The following PCYT1B variants were observed in gnomAD, a reference collection of about 807,000 sequenced individuals.
PCYT1B encodes the protein choline-phosphate cytidylyltransferase B.
In PCYT1B, 10 loss-of-function variants were observed where a neutral mutation model predicts 26.4. That is an observed-to-expected ratio of 0.38 (90% confidence interval 0.23 to 0.64). The LOEUF is 0.64. Ranked by LOEUF, PCYT1B falls within the 30% of genes least tolerant of loss-of-function variation. PCYT1B has a pLI of 0.56. For synonymous variants in PCYT1B, 131 were observed against 108.4 expected, an observed-to-expected ratio of 1.21 and a Z score of -1.29; for missense variants, 161 against 292.7, an observed-to-expected ratio of 0.55 and a Z score of 3.28.
Position 24,670,092 on chromosome X carries a change from GAAAGAAAGAAAGAAAGAAAGA to G in PCYT1B, c.63+2457_63+2477del, listed in dbSNP as rs1404777781. Among the ~76,000 whole-genome samples, 87 of 90,249 alleles carry G rather than the reference GAAAGAAAGAAAGAAAGAAAGA, an allele frequency of 9.6e-4. 1 individual carries two copies. Among genetic ancestry groups the G allele is most frequent in the South Asian group, 2.6e-3 (4 of 1,568 alleles). The allele number at this position is 90,249 out of a possible 115,157, so 78.4% of individuals were successfully genotyped here. On this transcript the variant is annotated intron_variant, in intron 1 of 7. Transcript: ENST00000379145. ...AGAAAGAAAGAAAGAAAGAAAGAAAGAAAGAAAGAAAGAAAGAAAGAAAGGAAGGAAGGAAGGAAGGAAGGA... is the reference window on the plus strand; with the variant it reads ...AGAAAGAAAGAAAGAAAGAAAGAAAGAAGGAAGGAAGGAAGGAAGGAAGGA...
intron 1 of PCYT1B, among the ~76,000 whole-genome samples, chrX:24,657,313 A>G (rs1926942813): frequency 8.9e-6 from 1 of 111,907 alleles, no homozygotes; most frequent in South Asian, 3.7e-4. Context: ...GCTGAAACAG[A>G]TAATACATCA....
At chrX:24,596,118 C>T (rs979343847) in intron 3 of PCYT1B, among the ~76,000 whole-genome samples, 11 of 111,733 alleles carry the variant, frequency 9.8e-5, no homozygotes, top group African/African-American at 3.6e-4. Context: ...GAAAAAAACA[C>T]ACTAGTATAA....
intron 3 of PCYT1B, among the ~76,000 whole-genome samples, chrX:24,601,623 T>A (rs1924969223): frequency 9.0e-6 from 1 of 111,318 alleles, no homozygotes; most frequent in Admixed American, 9.6e-5. Flanking sequence ...AGCTGGATTT[T>A]AAAAAATGGG....
chrX:24,607,857 G>A lies in PCYT1B; in HGVS notation c.222C>T (p.Asp74=). ...CATCGGCGTATACTCTGACAGGCCTGTCAGCTGTGGGAGAAAGAAAACACT... is the reference window on the plus strand; with the variant it reads ...CATCGGCGTATACTCTGACAGGCCTATCAGCTGTGGGAGAAAGAAAACACT... ...IAQARLGTPA[D]RPVRVYADGI... is the part of the protein sequence containing the mutation. The change falls in exon 3 of 8, where the codon GAC becomes GAT. Residue 74 remains aspartate (D), a synonymous_variant. Transcript: ENST00000379144. 1 of 1,109,574 alleles carries A rather than the reference G, an allele frequency of 9.0e-7. No individual in the cohort carries two copies. The highest frequency in any genetic ancestry group is 2.4e-4 in the Middle Eastern group (1 of 4,108). The allele number at this position is 1,109,574 out of a possible 1,213,427, so 91.4% of individuals were successfully genotyped here. A position where few individuals can be genotyped will look rare whatever the true frequency, so the allele number is the denominator to read the frequency against.
At chrX:24,640,595 A>G in intron 1 of PCYT1B, among the ~76,000 whole-genome samples, 1 of 111,513 alleles carries the variant, frequency 9.0e-6, no homozygotes, top group Non-Finnish European at 1.9e-5. Flanking sequence ...AGGGTCAGTT[A>G]CTTTCTAGAA....
intron 2 of PCYT1B, among the ~76,000 whole-genome samples, chrX:24,610,635 G>A: frequency 8.9e-6 from 1 of 111,826 alleles, no homozygotes; most frequent in Non-Finnish European, 1.9e-5. Context: ...GGAAAGAAAA[G>A]TAAAGAAAGA....
At chrX:24,585,746 C>T (rs1924351309) in intron 5 of PCYT1B, among the ~76,000 whole-genome samples, 1 of 111,693 alleles carries the variant, frequency 9.0e-6, no homozygotes, top group Admixed American at 9.5e-5. Flanking sequence ...AAGTACAAAC[C>T]TAGAAGAGTC....
chrX:24,590,597 G>A (rs1407200673), intron 3 of PCYT1B, among the ~76,000 whole-genome samples: 1 of 110,769 alleles, frequency 9.0e-6, no homozygotes, highest in East Asian at 2.8e-4. Flanking sequence ...TGAACAATCA[G>A]TTCCAATTAT....
chrX:24,636,812 G>T (rs6526401), intron 1 of PCYT1B, among the ~76,000 whole-genome samples: 45,564 of 110,727 alleles, frequency 0.41, 8,538 homozygotes, highest in African/African-American at 0.72. Context: ...GCGCATATTA[G>T]TTTGTATCTG....
intron 2 of PCYT1B, among the ~76,000 whole-genome samples, chrX:24,613,950 C>CAAAAAAAAAAAAAAAAAAAAAAAAAAAA (rs200062439): frequency 3.9e-5 from 3 of 77,215 alleles, no homozygotes; most frequent in Non-Finnish European, 5.2e-5. Context: ...AACAACCTGT[C>CAAAAAAAAAAAAAAAAAAAAAAAAAAAA]AAAAAAAAAA....
chrX:24,663,320 C>T (rs1052620092), intron 1 of PCYT1B, among the ~76,000 whole-genome samples: 3 of 112,340 alleles, frequency 2.7e-5, no homozygotes, highest in South Asian at 7.3e-4. Context: ...TGTTCTTGAG[C>T]GAGTACTTGA....
chrX:24,658,491 G>A lies in PCYT1B; in HGVS notation c.63+14079C>T, dbSNP rs184270598. Among the ~76,000 whole-genome samples, 337 of 103,876 alleles carry A rather than the reference G, an allele frequency of 3.2e-3. 5 individuals are homozygous for A. The highest frequency in any genetic ancestry group is 0.011 in the African/African-American group (326 of 28,471). 90.2% of individuals were successfully genotyped at this position (103,876 alleles called of 115,157 possible). On this transcript the variant is annotated intron_variant, in intron 1 of 7. Coordinates refer to the PCYT1B transcript ENST00000379145. ...TGCATTTCTTCTGGAGGCTCTAGGGGAAATTGTTTCATTGCTTTTTTTTTT... is the reference window on the plus strand; with the variant it reads ...TGCATTTCTTCTGGAGGCTCTAGGGAAAATTGTTTCATTGCTTTTTTTTTT...
intron 1 of PCYT1B, among the ~76,000 whole-genome samples, chrX:24,636,010 C>T (rs73626823): frequency 2.5e-4 from 28 of 111,176 alleles, no homozygotes; most frequent in Non-Finnish European, 4.9e-4. Context: ...TTGGGGGCCA[C>T]GGATTTTAAT....
intron 2 of PCYT1B, among the ~76,000 whole-genome samples, chrX:24,617,505 T>C (rs1431873136): frequency 9.7e-6 from 1 of 103,110 alleles, no homozygotes; most frequent in Non-Finnish European, 2.0e-5. Flanking sequence ...TGGAGTGCAA[T>C]GGTGTGATCT....
intron 2 of PCYT1B, among the ~76,000 whole-genome samples, chrX:24,618,508 G>C (rs183276504): frequency 3.6e-5 from 4 of 111,458 alleles, no homozygotes; most frequent in Non-Finnish European, 7.5e-5. Context: ...TGGTTGGTCT[G>C]GTTTATCACT....
At chrX:24,647,539 G>C (rs924619094), upstream of PCYT1B, among the ~76,000 whole-genome samples, 4 of 111,754 alleles carry the variant, frequency 3.6e-5, no homozygotes, top group African/African-American at 9.8e-5. Context: ...CTCTGGGCAC[G>C]GGACCCGGGC....
chrX:24,585,159 G>A (rs1239662466), intron 5 of PCYT1B, among the ~76,000 whole-genome samples: 2 of 111,208 alleles, frequency 1.8e-5, no homozygotes, highest in East Asian at 5.7e-4. Flanking sequence ...AGAAATGAGA[G>A]AACAGGAGTG....
chrX:24,633,101 T>G (rs1926152312), intron 1 of PCYT1B, among the ~76,000 whole-genome samples: 2 of 105,059 alleles, frequency 1.9e-5, no homozygotes, highest in South Asian at 8.8e-4. Context: ...TCCCAGCTAC[T>G]CAGGAGGCTG....
At chrX:24,629,345 C>T (rs1256325162) in intron 1 of PCYT1B, among the ~76,000 whole-genome samples, 1 of 108,965 alleles carries the variant, frequency 9.2e-6, no homozygotes, top group Non-Finnish European at 1.9e-5. Flanking sequence ...GCAGGCAGAT[C>T]GCCTGAGTTC....
Sources: gnomAD v4.1 joint callset for allele counts (sites outside exome capture counted in the v4.1 genomes callset) on GRCh38, gnomAD v4.1.1 for gene constraint, MANE v1.5 for transcripts, NCBI Gene and HGNC (gene_info 2026-07-23, HGNC 2026-07-21) for gene names.